The following TUB variants were observed in gnomAD, a reference collection of about 807,000 sequenced individuals.
TUB encodes the protein TUB bipartite transcription factor.
A neutral mutation model predicts 59.7 loss-of-function variants in TUB; 33 were observed. That is an observed-to-expected ratio of 0.55 (90% confidence interval 0.42 to 0.74). The LOEUF (loss-of-function observed/expected upper bound fraction) is 0.74, where lower values mean the gene tolerates loss of function less well. TUB is among the 30% of genes least tolerant of loss of function. TUB has a pLI of 0.00. For missense variants in TUB, 659 were observed against 672.0 expected (o/e 0.98, Z 0.21); for synonymous variants, 293 against 256.4 (o/e 1.14, Z -1.36).
intron 1 of TUB, among the ~76,000 whole-genome samples, chr11:8,039,242 C>T (rs1002934976): frequency 6.6e-6 from 1 of 152,182 alleles, no homozygotes; most frequent in African/African-American, 2.4e-5. Flanking sequence ...ACTCCAGGAG[C>T]TGCCCAGGAC....
intron 1 of TUB, among the ~76,000 whole-genome samples, chr11:8,024,133 C>T (rs757380794): frequency 5.3e-5 from 8 of 152,192 alleles, no homozygotes; most frequent in South Asian, 2.1e-4. Flanking sequence ...AGCCTTTTCC[C>T]GGCCTCTCTT....
rs7947749 is a variant in TUB at position 8,039,074 on chromosome 11, C to T, written c.155+46C>T. The T allele has an allele frequency of 1.1e-3, 1,782 of 1,596,432 alleles. 3 individuals carry two copies. The highest frequency in any genetic ancestry group is 1.4e-3 in the Non-Finnish European group (1,659 of 1,172,624). ...CTTTAGCCCATGGGCCCAACCATTG[C>T]GTCAGCTCCACCCACCCACCCTCAC... On this transcript the variant is annotated intron_variant, in intron 1 of 12. Coordinates refer to the TUB transcript ENST00000305253.
intron 2 of TUB, chr11:8,069,446 T>C (rs1036286104): frequency 6.6e-6 from 1 of 151,964 alleles, no homozygotes; most frequent in African/African-American, 2.4e-5. Flanking sequence ...GAAATTAAGT[T>C]CTTAGAGTAG....
intron 2 of TUB, among the ~76,000 whole-genome samples, chr11:8,074,008 G>A (rs1470655062): frequency 2.0e-5 from 3 of 152,210 alleles, no homozygotes; most frequent in Non-Finnish European, 4.4e-5. Context: ...CAGCCAGTTG[G>A]CTATTGTCTT....
At chr11:8,055,460 G>A (rs1943005424) in intron 2 of TUB, among the ~76,000 whole-genome samples, 1 of 152,198 alleles carries the variant, frequency 6.6e-6, no homozygotes, top group Non-Finnish European at 1.5e-5. Flanking sequence ...CAGATGTGCT[G>A]GCATCTGCCC....
intron 1 of TUB, among the ~76,000 whole-genome samples, chr11:8,031,901 C>T (rs1367083618): frequency 2.0e-5 from 3 of 152,198 alleles, no homozygotes; most frequent in African/African-American, 4.8e-5. Flanking sequence ...CCGCCCCCCT[C>T]GGGCCACTTC....
At chr11:8,100,714 G>A in intron 10 of TUB, 112 bp from the exon 11 acceptor site, 1 of 1,543,034 alleles carries the variant, frequency 6.5e-7, no homozygotes, top group East Asian at 2.3e-5. Flanking sequence ...ATGTGAGAAA[G>A]CCCTGGAGGT....
exon 1 of TUB, chr11:8,038,912 T>C (rs772362703): frequency 6.2e-7 from 1 of 1,614,048 alleles, no homozygotes; most frequent in East Asian, 2.2e-5. Context: ...TCTGGGTTTC[T>C]TTCTTTGCCG....
At chr11:8,097,954 T>G in intron 8 of TUB, 128 bp downstream of exon 8, 1 of 709,900 alleles carries the variant, frequency 1.4e-6, no homozygotes, top group South Asian at 1.8e-5. Flanking sequence ...GGATCCTCTC[T>G]GATAATCACA....
chr11:8,032,069 G>T (rs1006765525), intron 1 of TUB, among the ~76,000 whole-genome samples: 1 of 151,998 alleles, frequency 6.6e-6, no homozygotes, highest in South Asian at 2.1e-4. Context: ...GAGCAGCCGC[G>T]ACTGCACAGA....
intron 5 of TUB, 80 bp downstream of exon 5, chr11:8,095,745 C>G: frequency 1.4e-6 from 2 of 1,447,158 alleles, no homozygotes; most frequent in Admixed American, 2.1e-5. Context: ...GGAGCATGGC[C>G]TTCCTGTGTC....
intron 1 of TUB, among the ~76,000 whole-genome samples, chr11:8,089,270 CT>C: frequency 6.6e-6 from 1 of 152,246 alleles, no homozygotes; most frequent in South Asian, 2.1e-4. Context: ...TCGGGCCTGG[CT>C]TGTTGCTGGG....
At chr11:8,101,408 G>A in intron 11 of TUB, 78 bp from the exon 12 acceptor site, 1 of 1,561,548 alleles carries the variant, frequency 6.4e-7, no homozygotes. Context: ...CATGTGGTTT[G>A]GGTGTCTGTC....
intron 1 of TUB, among the ~76,000 whole-genome samples, chr11:8,087,284 C>T (rs781177798): frequency 1.3e-5 from 2 of 152,234 alleles, no homozygotes; most frequent in Non-Finnish European, 2.9e-5. Flanking sequence ...TAGATGTGAG[C>T]GTCAGCACCA....
chr11:8,073,480 T>A (rs982154054), intron 2 of TUB, among the ~76,000 whole-genome samples: 5 of 152,232 alleles, frequency 3.3e-5, no homozygotes, highest in African/African-American at 1.2e-4. Flanking sequence ...TAGGCTTTTC[T>A]GAAAGGTTAC....
chr11:8,035,920 C>T (rs569887438), upstream of TUB: 2 of 152,402 alleles, frequency 1.3e-5, no homozygotes, highest in Admixed American at 1.3e-4. Flanking sequence ...ATGGATGCTT[C>T]CTAACCAGCC....
chr11:8,083,248 T>C (rs928614512), intron 1 of TUB, among the ~76,000 whole-genome samples: 11 of 146,954 alleles, frequency 7.5e-5, no homozygotes, highest in Non-Finnish European at 9.0e-5. Context: ...TGTGCGGGGG[T>C]CCAGATGGCA....
chr11:8,027,317 T>G (rs1942513176), intron 1 of TUB, among the ~76,000 whole-genome samples: 1 of 152,190 alleles, frequency 6.6e-6, no homozygotes, highest in African/African-American at 2.4e-5. Context: ...CTACTTTCTG[T>G]CTCTATAAAT....
At chr11:8,082,629 G>A (rs1943591146) in intron 1 of TUB, among the ~76,000 whole-genome samples, 1 of 152,178 alleles carries the variant, frequency 6.6e-6, no homozygotes, top group Admixed American at 6.5e-5. Context: ...GTCCCGCCTT[G>A]TAACACAGCT....
Sources: allele counts gnomAD v4.1 joint callset (sites outside exome capture counted in the v4.1 genomes callset), GRCh38; gene constraint gnomAD v4.1.1; transcripts MANE v1.5; gene names NCBI Gene and HGNC (gene_info 2026-07-23, HGNC 2026-07-21).